Variants in OPHN1 observed in about 807,000 individuals in gnomAD.
The protein encoded by OPHN1 is oligophrenin 1.
In OPHN1, 11 loss-of-function variants were observed where a neutral mutation model predicts 60.7. The observed-to-expected ratio is 0.18, with a 90% CI of 0.11 to 0.30. The LOEUF (loss-of-function observed/expected upper bound fraction) is 0.30. OPHN1 is among the 10% of genes least tolerant of loss of function. The probability of loss-of-function intolerance (pLI) is 1.00; values close to 1 mark genes in which losing one functional copy is unlikely to be tolerated. For synonymous variants in OPHN1, 226 were observed against 222.6 expected (o/e 1.02, Z -0.14); for missense variants, 449 against 611.0 (o/e 0.73, Z 2.80).
At chrX:68,082,186 C>A (rs1226263600) in intron 19 of OPHN1, among the ~76,000 whole-genome samples, 1 of 112,261 alleles carries the variant, frequency 8.9e-6, no homozygotes, top group Non-Finnish European at 1.9e-5. Context: ...CAGTTACTTC[C>A]TCCACTGAAG....
At position 68,078,853 on chromosome X, in the gene OPHN1, C is replaced by T. The variant is rs762091131; in HGVS notation, c.1687-5554G>A. 2.3e-4 allele frequency among the ~76,000 whole-genome samples: 25 copies of T among 109,796 alleles called. No homozygotes were observed. In the South Asian group the frequency reaches 8.7e-3, roughly 38 times the overall value. On this transcript the variant is annotated intron_variant, in intron 19 of 24. Coordinates refer to ENST00000355520, the MANE Select transcript of OPHN1 (RefSeq NM_002547.3). The stretch of plus-strand genomic sequence containing the variant: ...GTACAAAAATTAGTCAGGCATGTTG[C>T]AGCATGCCTGTAATCTCAGCTACTC...
At chrX:68,187,785 A>G (rs773798865) in intron 15 of OPHN1, among the ~76,000 whole-genome samples, 2 of 109,851 alleles carry the variant, frequency 1.8e-5, no homozygotes, top group African/African-American at 6.6e-5. Context: ...CCGCCACCAC[A>G]CCCGGCTAAT....
chrX:68,294,918 G>T (rs1442537381), intron 3 of OPHN1, among the ~76,000 whole-genome samples: 1 of 112,025 alleles, frequency 8.9e-6, no homozygotes, highest in Admixed American at 9.5e-5. Context: ...CATTTTTCAA[G>T]CAAATTCTTA....
intron 6 of OPHN1, among the ~76,000 whole-genome samples, chrX:68,226,698 C>T (rs1402429068): frequency 4.5e-5 from 5 of 111,482 alleles, no homozygotes; most frequent in African/African-American, 1.6e-4. Context: ...TCTGTCACTA[C>T]CAGTCCTGCC....
intron 2 of OPHN1, among the ~76,000 whole-genome samples, chrX:68,393,895 T>TTTTTTTTTG (rs2078668065): frequency 2.7e-5 from 2 of 73,209 alleles, no homozygotes; most frequent in Non-Finnish European, 5.5e-5. Flanking sequence ...GTTTTTTTTT[T>TTTTTTTTTG]TTTTTTTTTT....
At chrX:68,386,768 C>T (rs2078626196) in intron 2 of OPHN1, among the ~76,000 whole-genome samples, 2 of 112,263 alleles carry the variant, frequency 1.8e-5, no homozygotes, top group South Asian at 3.7e-4. Context: ...CTGATGAAGC[C>T]GTTATTTGCC....
chrX:68,245,947 G>A (rs897490490), intron 5 of OPHN1, among the ~76,000 whole-genome samples: 2 of 111,507 alleles, frequency 1.8e-5, no homozygotes, highest in African/African-American at 6.5e-5. Context: ...GGAATTACAG[G>A]TGCAATGCCA....
At chrX:68,385,323 G>C (rs755937405) in intron 2 of OPHN1, among the ~76,000 whole-genome samples, 3 of 111,328 alleles carry the variant, frequency 2.7e-5, no homozygotes, top group Admixed American at 9.6e-5. Flanking sequence ...CAATGGCTGC[G>C]GGTATTTAAA....
Position 68,230,026 on chromosome X carries a change from C to A in OPHN1, c.486+4461G>T, listed in dbSNP as rs183414148. ...TACAATCTACCCATCTGACAAAGGG[C>A]GAATATCCAGAATCTACAAAGAACT... On this transcript the variant is annotated intron_variant, in intron 6 of 24. Transcript: ENST00000355520. Among the ~76,000 whole-genome samples the A allele has an allele frequency of 1.1e-3, 119 of 111,859 alleles. 1 individual carries two copies. Among genetic ancestry groups the A allele is most frequent in the African/African-American group, 3.8e-3 (117 of 30,780 alleles).
At chrX:68,267,097 C>G (rs1440179904) in intron 5 of OPHN1, among the ~76,000 whole-genome samples, 1 of 111,515 alleles carries the variant, frequency 9.0e-6, no homozygotes, top group Non-Finnish European at 1.9e-5. Context: ...TAACACTCCA[C>G]TGTCAACATT....
chrX:68,266,331 C>T (rs780483384), intron 5 of OPHN1, among the ~76,000 whole-genome samples: 2 of 111,815 alleles, frequency 1.8e-5, no homozygotes, highest in Non-Finnish European at 3.8e-5. Flanking sequence ...GCTGATCGCT[C>T]GGCAGAAACT....
intron 2 of OPHN1, among the ~76,000 whole-genome samples, chrX:68,397,521 T>C (rs1198559107): frequency 2.9e-5 from 1 of 34,840 alleles, no homozygotes; most frequent in Non-Finnish European, 6.5e-5. Context: ...TATTTATTTA[T>C]TTATTTTTTT....
At chrX:68,061,599 G>A (rs2076893222) in intron 21 of OPHN1, among the ~76,000 whole-genome samples, 2 of 111,528 alleles carry the variant, frequency 1.8e-5, no homozygotes, top group Non-Finnish European at 3.8e-5. Context: ...GGACAGGGGA[G>A]GGAAATCAAT....
intron 2 of OPHN1, among the ~76,000 whole-genome samples, chrX:68,305,417 GC>G (rs2078140391): frequency 2.7e-5 from 3 of 112,116 alleles, no homozygotes; most frequent in African/African-American, 9.7e-5. Flanking sequence ...GCCCATGGGG[GC>G]TTTGAAAAGT....
intron 18 of OPHN1, among the ~76,000 whole-genome samples, chrX:68,100,341 A>G: frequency 8.9e-6 from 1 of 111,960 alleles, no homozygotes. Flanking sequence ...AGAAATCTGA[A>G]CACAGAATAA....
At chrX:68,048,824 T>C (rs1282935603) in intron 23 of OPHN1, among the ~76,000 whole-genome samples, 4 of 111,849 alleles carry the variant, frequency 3.6e-5, no homozygotes, top group African/African-American at 6.5e-5. Flanking sequence ...AATCCTCCTT[T>C]GCCTAGAAGA....
chrX:68,195,439 G>A (rs763561637), intron 12 of OPHN1, among the ~76,000 whole-genome samples: 11 of 112,140 alleles, frequency 9.8e-5, no homozygotes, highest in African/African-American at 3.6e-4. Flanking sequence ...GACTCTTGAA[G>A]TCTAGTCCTG....
intron 15 of OPHN1, among the ~76,000 whole-genome samples, chrX:68,130,702 C>T (rs2077190611): frequency 9.0e-6 from 1 of 110,549 alleles, no homozygotes; most frequent in African/African-American, 3.3e-5. Flanking sequence ...ATGCCCTTCA[C>T]ATAACAAAAA....
chrX:68,389,198 CCT>C (rs1431385493), intron 2 of OPHN1, among the ~76,000 whole-genome samples: 3 of 107,288 alleles, frequency 2.8e-5, no homozygotes, highest in African/African-American at 1.0e-4. Flanking sequence ...CTCAAGTGAT[CCT>C]CTCACCTCAG....
Sources: gnomAD v4.1 joint callset for allele counts (sites outside exome capture counted in the v4.1 genomes callset) on GRCh38, gnomAD v4.1.1 for gene constraint, MANE v1.5 for transcripts, NCBI Gene and HGNC (gene_info 2026-07-23, HGNC 2026-07-21) for gene names.